CPNE3: variants seen among roughly 807,000 people sequenced by gnomAD.
CPNE3 encodes the protein copine-3.
In CPNE3, 68 loss-of-function variants were observed where a neutral mutation model predicts 63.9. The ratio of observed to expected loss-of-function variants is 1.06; its 90% confidence interval spans 0.87 to 1.30. CPNE3 has a LOEUF of 1.30. Ranked by LOEUF, CPNE3 falls within the 50% of genes most tolerant of loss-of-function variation. The pLI, the probability that CPNE3 is intolerant of heterozygous loss-of-function variation, is 0.00. For missense variants in CPNE3, 665 were observed against 578.1 expected (o/e 1.15, Z -1.54); for synonymous variants, 219 against 197.5 (o/e 1.11, Z -0.91).
chr8:86,522,660 C>T (rs955476135), intron 2 of CPNE3, among the ~76,000 whole-genome samples: 3 of 148,612 alleles, frequency 2.0e-5, no homozygotes, highest in African/African-American at 5.0e-5. Context: ...GTTGCTGGGC[C>T]GGTTCCAGCT....
intron 3 of CPNE3, 83 bp downstream of exon 3, chr8:86,528,760 A>C: frequency 1.4e-6 from 2 of 1,473,842 alleles, no homozygotes; most frequent in African/African-American, 1.4e-5. Flanking sequence ...TAAAAATAAC[A>C]ACACTATCTC....
At chr8:86,536,873 A>T (rs528364590) in intron 6 of CPNE3, among the ~76,000 whole-genome samples, 1 of 152,264 alleles carries the variant, frequency 6.6e-6, no homozygotes, top group Admixed American at 6.5e-5. Context: ...TGTATTGAGG[A>T]TGGTGATAAC....
At chr8:86,524,254 T>TAA (rs1464339462) in intron 2 of CPNE3, among the ~76,000 whole-genome samples, 1 of 152,168 alleles carries the variant, frequency 6.6e-6, no homozygotes, top group Non-Finnish European at 1.5e-5. Flanking sequence ...AGGAAGTAGA[T>TAA]AAGACTTCAG....
At chr8:86,535,597 G>T (rs191435278) in intron 6 of CPNE3, among the ~76,000 whole-genome samples, 1 of 152,072 alleles carries the variant, frequency 6.6e-6, no homozygotes, top group African/African-American at 2.4e-5. Flanking sequence ...GAACCCAGGA[G>T]GGGGAGGTTA....
chr8:86,558,307 C>T lies in CPNE3; in HGVS notation c.1511C>T (p.Ala504Val), dbSNP rs755789015. The part of the protein sequence containing the change: ...QFQNAPKEAL[A>V]QCVLAEIPQQ... ...CACAAGGCTCCAAAAGAAGCACTTGCTCAGTGTGTCTTGGCAGAGATTCCC... is the reference window on the plus strand; with the variant it reads ...CACAAGGCTCCAAAAGAAGCACTTGTTCAGTGTGTCTTGGCAGAGATTCCC... The change falls in exon 17 of 17, where the codon GCT (alanine) becomes GTT (valine). Residue 504 changes from alanine (A) to valine (V), a missense_variant. By Grantham distance (64) the Ala-to-Val change is moderately conservative (BLOSUM62 0). Transcript: ENST00000517490. 1 of 872,944 alleles carries T rather than the reference C, an allele frequency of 1.1e-6. No homozygotes were observed. 54.1% of individuals were successfully genotyped at this position (872,944 alleles called of 1,614,324 possible).
rs1268181753 is a variant in CPNE3, at chr8:86,550,938, T to C, written c.1014-108T>C. 2.7e-6 allele frequency: 3 copies of C among 1,118,626 alleles called. No individual in the cohort carries two copies. In the African/African-American group the frequency reaches 4.7e-5, roughly 18 times the overall value. 69.3% of individuals were successfully genotyped at this position (1,118,626 alleles called of 1,614,324 possible). Reference sequence around the variant, plus strand: ...CAGTTAATATAGGTAATCTTTGTTTTATCTTCATACTTTTTGAAATGAGCT... The same window carrying C: ...CAGTTAATATAGGTAATCTTTGTTTCATCTTCATACTTTTTGAAATGAGCT... On this transcript the variant is annotated intron_variant, in intron 12 of 16. Transcript: ENST00000517490.
intron 2 of CPNE3, among the ~76,000 whole-genome samples, chr8:86,516,274 A>G (rs1820307257): frequency 6.6e-6 from 1 of 152,142 alleles, no homozygotes; most frequent in African/African-American, 2.4e-5. Flanking sequence ...AGGAAGGGAG[A>G]GGAGGCTCCA....
At chr8:86,540,477 A>G in intron 8 of CPNE3, 143 bp downstream of exon 8, 1 of 375,570 alleles carries the variant, frequency 2.7e-6, no homozygotes, top group Non-Finnish European at 4.7e-6. Context: ...GTAGAATACT[A>G]AAATAGAAAT....
At position 86,548,324 on chromosome 8, in the gene CPNE3, C is replaced by A; in HGVS notation, c.903C>A (p.Ser301=). 3 of 1,614,062 alleles carry A rather than the reference C, an allele frequency of 1.9e-6. No homozygotes were observed. In the African/African-American group the frequency reaches 4.0e-5, roughly 22 times the overall value. The part of the protein sequence containing the change: ...NFTVGVDFTG[S]NGDPRSPDSL... ...AGGTGGGAGTGGACTTCACTGGCTCCAATGGTGACCCAAGGTCTCCAGACT... is the reference window on the plus strand; with the variant it reads ...AGGTGGGAGTGGACTTCACTGGCTCAAATGGTGACCCAAGGTCTCCAGACT... Residue 301 remains serine (S), a synonymous_variant, in exon 12 of 17, where the codon TCC becomes TCA. Transcript: ENST00000517490.
chr8:86,540,878 G>A (rs761899842), intron 8 of CPNE3, among the ~76,000 whole-genome samples: 2 of 152,030 alleles, frequency 1.3e-5, no homozygotes, highest in Non-Finnish European at 2.9e-5. Flanking sequence ...AATAGCAGAT[G>A]TCAGTATTTT....
chr8:86,517,167 T>A (rs1820333989), intron 2 of CPNE3, among the ~76,000 whole-genome samples: 1 of 152,190 alleles, frequency 6.6e-6, no homozygotes, highest in Non-Finnish European at 1.5e-5. Context: ...ATTCTTTTAA[T>A]ATAACAGCTT....
chr8:86,528,850 G>A lies in CPNE3; in HGVS notation c.133-95G>A, dbSNP rs1820600946. 2.3e-6 allele frequency: 3 copies of A among 1,318,134 alleles called. No individual in the cohort carries two copies. The South Asian group carries it at 4.4e-5, about 19-fold the overall frequency. 81.7% of individuals were successfully genotyped at this position (1,318,134 alleles called of 1,614,324 possible). ...ACACATATAGAAACTTCCTTTAGTT[G>A]TCATGCCTATGTTTATGTTTAGTAT... On this transcript the variant is annotated intron_variant, in intron 3 of 16. Coordinates refer to ENST00000517490, the MANE Select transcript of CPNE3 (RefSeq NM_003909.5).
intron 2 of CPNE3, 91 bp from the exon 3 acceptor site, chr8:86,528,445 G>T: frequency 7.2e-7 from 1 of 1,388,980 alleles, no homozygotes; most frequent in Non-Finnish European, 1.0e-6. Flanking sequence ...TGTGACAATT[G>T]GTCTTAAGAA....
At chr8:86,551,554 T>C in intron 14 of CPNE3, 1 of 198,454 alleles carries the variant, frequency 5.0e-6, no homozygotes, top group Non-Finnish European at 1.0e-5. Flanking sequence ...AAATATCATA[T>C]ATTAAAAGTA....
chr8:86,558,165 G>A (rs998655856), intron 16 of CPNE3, 123 bp from the exon 17 acceptor site: 2 of 683,478 alleles, frequency 2.9e-6, no homozygotes, highest in African/African-American at 1.8e-5. Context: ...CCTAAGAAAA[G>A]GTACAGGCCT....
chr8:86,525,618 G>T (rs1820525469), intron 2 of CPNE3, among the ~76,000 whole-genome samples: 1 of 152,104 alleles, frequency 6.6e-6, no homozygotes, highest in Admixed American at 6.6e-5. Flanking sequence ...TGTAGCTTTT[G>T]TATAAGCATT....
Position 86,531,200 on chromosome 8 carries a change from GGCA to G in CPNE3, c.360_362del (p.Arg121del). 2 of 1,322,606 alleles carry G rather than the reference GGCA, an allele frequency of 1.5e-6. No homozygotes were observed. The highest frequency in any genetic ancestry group is 3.6e-4 in the Middle Eastern group (2 of 5,508). The allele number at this position is 1,322,606 out of a possible 1,614,324, so 81.9% of individuals were successfully genotyped here. On this transcript the variant is annotated inframe_deletion, in exon 5 of 17. Coordinates refer to ENST00000517490, the MANE Select transcript of CPNE3 (RefSeq NM_003909.5). ...AACTCGACCACTGGTGATGAAAACT[GGCA>G]GACCTGCAGGAAAAGGGAGCATTAC...
intron 14 of CPNE3, chr8:86,551,455 T>C (rs947035493): frequency 2.1e-6 from 1 of 471,506 alleles, no homozygotes; most frequent in South Asian, 4.1e-5. Context: ...AAATCAGTAT[T>C]ATGATGATGA....
At chr8:86,546,993 G>T (rs968488808) in intron 10 of CPNE3, among the ~76,000 whole-genome samples, 1 of 152,174 alleles carries the variant, frequency 6.6e-6, no homozygotes, top group Non-Finnish European at 1.5e-5. Context: ...ACAGGTGTGA[G>T]CCACCGCATC....
Sources: allele counts gnomAD v4.1 joint callset (sites outside exome capture counted in the v4.1 genomes callset), GRCh38; gene constraint gnomAD v4.1.1; transcripts MANE v1.5; gene names NCBI Gene and HGNC (gene_info 2026-07-23, HGNC 2026-07-21).